SUGCT: variants seen among roughly 807,000 people sequenced by gnomAD.
SUGCT encodes the protein succinyl-CoA:glutarate-CoA transferase.
A neutral mutation model predicts 55.0 loss-of-function variants in SUGCT; 41 were observed. The observed-to-expected ratio is 0.74, with a 90% confidence interval of 0.58 to 0.97. SUGCT has a LOEUF of 0.97. Ranked by LOEUF, SUGCT falls within the 50% of genes least tolerant of loss-of-function variation. The probability of loss-of-function intolerance (pLI) is 0.00; values close to 1 mark genes in which losing one functional copy is unlikely to be tolerated. For synonymous variants in SUGCT, 187 were observed against 200.4 expected, an observed-to-expected ratio of 0.93 and a Z score of 0.56; for missense variants, 568 against 547.8, an observed-to-expected ratio of 1.04 and a Z score of -0.37.
At chr7:40,713,313 C>A (rs1785827110) in intron 12 of SUGCT, among the ~76,000 whole-genome samples, 1 of 152,192 alleles carries the variant, frequency 6.6e-6, no homozygotes, top group South Asian at 2.1e-4. Flanking sequence ...GGGCTCTGGG[C>A]TCAGACAGTG....
At chr7:40,952,723 G>C in the SUGCT span, among the ~76,000 whole-genome samples, 1 of 152,136 alleles carries the variant, frequency 6.6e-6, no homozygotes, top group Non-Finnish European at 1.5e-5. Context: ...AGCTTAGTTT[G>C]GCTGGATATG....
At chr7:40,173,833 T>C (rs938590540) in intron 1 of SUGCT, among the ~76,000 whole-genome samples, 1 of 149,500 alleles carries the variant, frequency 6.7e-6, no homozygotes, top group African/African-American at 2.4e-5. Flanking sequence ...AGAAATAATA[T>C]ATAGTATATC....
chr7:40,942,215 G>A, the SUGCT span, among the ~76,000 whole-genome samples: 1 of 152,092 alleles, frequency 6.6e-6, no homozygotes, highest in Admixed American at 6.6e-5. Context: ...TTTGTTTCAA[G>A]ATTTAGAATT....
intron 12 of SUGCT, among the ~76,000 whole-genome samples, chr7:40,725,564 G>A (rs113988978): frequency 3.8e-4 from 58 of 151,322 alleles, no homozygotes; most frequent in Middle Eastern, 3.4e-3. Flanking sequence ...GAGCAGTAGG[G>A]ACCTCTATTT....
At chr7:40,952,054 G>A in the SUGCT span, among the ~76,000 whole-genome samples, 1 of 152,134 alleles carries the variant, frequency 6.6e-6, no homozygotes, top group African/African-American at 2.4e-5. Flanking sequence ...GCAGTGGGGT[G>A]TTAAAGTCTC....
At chr7:40,316,096 A>G (rs1215320095) in intron 8 of SUGCT, among the ~76,000 whole-genome samples, 1 of 152,198 alleles carries the variant, frequency 6.6e-6, no homozygotes, top group Non-Finnish European at 1.5e-5. Flanking sequence ...TGAATCGAGT[A>G]TGACAGTGAG....
chr7:40,656,728 C>A (rs1308222541), intron 12 of SUGCT, among the ~76,000 whole-genome samples: 1 of 152,170 alleles, frequency 6.6e-6, no homozygotes, highest in Non-Finnish European at 1.5e-5. Flanking sequence ...ATTTAATTTG[C>A]ACTGTTCTCG....
At chr7:40,494,610 A>G (rs920361245) in intron 11 of SUGCT, among the ~76,000 whole-genome samples, 6 of 152,196 alleles carry the variant, frequency 3.9e-5, no homozygotes, top group African/African-American at 1.2e-4. Context: ...AATTGGAGAG[A>G]AAATGGAAGG....
At chr7:40,769,382 C>A (rs991056796) in intron 13 of SUGCT, among the ~76,000 whole-genome samples, 20 of 152,142 alleles carry the variant, frequency 1.3e-4, no homozygotes, top group African/African-American at 3.4e-4. Flanking sequence ...CTTGTGAATG[C>A]TATCATATAT....
chr7:41,028,494 C>T, the SUGCT span, among the ~76,000 whole-genome samples: 3,184 of 152,246 alleles, frequency 0.021, 126 homozygotes, highest in African/African-American at 0.074. Context: ...GGGAGCATCA[C>T]GGAGTGCACT....
At chr7:40,163,235 A>G (rs1784262787) in intron 1 of SUGCT, among the ~76,000 whole-genome samples, 1 of 152,202 alleles carries the variant, frequency 6.6e-6, no homozygotes, top group South Asian at 2.1e-4. Flanking sequence ...TTTGATTGTG[A>G]CATGCTTTAA....
the SUGCT span, among the ~76,000 whole-genome samples, chr7:41,000,688 A>C: frequency 6.6e-6 from 1 of 152,222 alleles, no homozygotes; most frequent in African/African-American, 2.4e-5. Context: ...ATATTTGCAA[A>C]TAATGTTTCC....
chr7:40,182,099 C>A, intron 3 of SUGCT, 71 bp downstream of exon 3: 1 of 869,928 alleles, frequency 1.1e-6, no homozygotes, highest in South Asian at 1.6e-5. Context: ...TCTAAATACC[C>A]ATGTTTAGTG....
intron 12 of SUGCT, among the ~76,000 whole-genome samples, chr7:40,696,688 G>A (rs1181528093): frequency 6.6e-6 from 1 of 152,134 alleles, no homozygotes; most frequent in Non-Finnish European, 1.5e-5. Context: ...TCTCCTGACT[G>A]TTGACATCAA....
intron 13 of SUGCT, among the ~76,000 whole-genome samples, chr7:40,819,660 C>T (rs974654306): frequency 1.3e-5 from 2 of 151,994 alleles, no homozygotes; most frequent in African/African-American, 4.8e-5. Flanking sequence ...GGATATTAGC[C>T]CTTTGTCAGA....
At chr7:40,547,298 A>G (rs1334208792) in intron 12 of SUGCT, among the ~76,000 whole-genome samples, 1 of 152,172 alleles carries the variant, frequency 6.6e-6, no homozygotes, top group African/African-American at 2.4e-5. Context: ...CTGATTCACA[A>G]GTTAATCTCT....
At chr7:40,493,189 A>G (rs555984579) in intron 11 of SUGCT, among the ~76,000 whole-genome samples, 12 of 152,318 alleles carry the variant, frequency 7.9e-5, no homozygotes, top group Admixed American at 2.6e-4. Context: ...TAAACATGAC[A>G]TCTGACTCTA....
At chr7:40,918,460 C>CA in the SUGCT span, among the ~76,000 whole-genome samples, 31,606 of 101,564 alleles carry the variant, frequency 0.31, 4,466 homozygotes, top group Non-Finnish European at 0.34. Flanking sequence ...GACTCTGTCT[C>CA]AAAAAAAAAA....
chr7:40,727,950 A>G (rs1345512637), intron 12 of SUGCT, among the ~76,000 whole-genome samples: 1 of 152,084 alleles, frequency 6.6e-6, no homozygotes, highest in African/African-American at 2.4e-5. Flanking sequence ...TATCTGTGTT[A>G]TTATTTATTT....
Sources: gnomAD v4.1 joint callset for allele counts (sites outside exome capture counted in the v4.1 genomes callset) on GRCh38, gnomAD v4.1.1 for gene constraint, MANE v1.5 for transcripts, NCBI Gene and HGNC (gene_info 2026-07-23, HGNC 2026-07-21) for gene names.